FBN3: variants seen among roughly 807,000 people sequenced by gnomAD.
FBN3 encodes fibrillin 3, also known as fibrillin-3.
A neutral mutation model predicts 330.1 loss-of-function variants in FBN3; 234 were observed. The ratio of observed to expected loss-of-function variants is 0.71; its 90% CI spans 0.64 to 0.79. The LOEUF is 0.79. Among genes scored for constraint, FBN3 ranks in the 30% least tolerant of loss-of-function variants. The pLI, the probability that FBN3 is intolerant of heterozygous loss-of-function variation, is 0.00. For synonymous variants in FBN3, 1,458 were observed against 1,517.3 expected, an observed-to-expected ratio of 0.96 and a Z score of 0.91; for missense variants, 3,606 against 3,886.9, an observed-to-expected ratio of 0.93 and a Z score of 1.92.
chr19:8,134,772 A>T (rs1052306951), intron 13 of FBN3, among the ~76,000 whole-genome samples: 5 of 151,516 alleles, frequency 3.3e-5, no homozygotes, highest in Non-Finnish European at 5.9e-5. Context: ...CATCTCTACT[A>T]AAAATACAAA....
chr19:8,072,818 T>C (rs751395368), intron 62 of FBN3, among the ~76,000 whole-genome samples: 1 of 152,028 alleles, frequency 6.6e-6, no homozygotes, highest in Non-Finnish European at 1.5e-5. Flanking sequence ...TGTGGACAAC[T>C]ACATGTGAGT....
intron 24 of FBN3, among the ~76,000 whole-genome samples, chr19:8,122,398 G>A (rs539507234): frequency 3.9e-5 from 6 of 152,030 alleles, no homozygotes; most frequent in Admixed American, 2.0e-4. Context: ...ACACAGTCTC[G>A]TTCTGTCACC....
At chr19:8,117,410 T>C in intron 27 of FBN3, 54 bp downstream of exon 27, 1 of 1,553,272 alleles carries the variant, frequency 6.4e-7, no homozygotes, top group Non-Finnish European at 8.7e-7. Context: ...GAGCTACCAC[T>C]ATGTCTGGGA....
Position 8,087,121 on chromosome 19 carries a change from G to A in FBN3, c.6710C>T (p.Pro2237Leu). The A allele has an allele frequency of 6.2e-7, 1 of 1,610,900 alleles. No individual in the cohort carries two copies. The highest frequency in any genetic ancestry group is 1.3e-5 in the African/African-American group (1 of 74,956). The change falls in exon 54 of 64, where the codon CCC becomes CTC. Residue 2237 changes from proline to leucine, a missense_variant. Physicochemically the swap from Pro to Leu is moderately conservative, Grantham distance 98. Coordinates refer to ENST00000600128, the MANE Select transcript of FBN3 (RefSeq NM_032447.5). The stretch of plus-strand genomic sequence containing the variant: ...GCCAGGCAGGGGCCGCATGCCTGGG[G>A]GACAGACGCACGCGAAGGTACCGAT... ...NLIGTFACVC[P>L]PGMRPLPGSG...
chr19:8,098,137 G>C (rs1045667458), intron 41 of FBN3, among the ~76,000 whole-genome samples: 2 of 152,354 alleles, frequency 1.3e-5, no homozygotes, highest in African/African-American at 4.8e-5. Flanking sequence ...TGTGTGGTAT[G>C]TGAATTATAT....
chr19:8,129,649 C>T lies in FBN3; in HGVS notation c.2045-284G>A, dbSNP rs73505698. On this transcript the variant is annotated intron_variant, in intron 16 of 63. Transcript: ENST00000600128. The surrounding 1 kb of genome is among the most constrained non-coding windows in gnomAD (Gnocchi z 4.5). ...CCCATGAGATGTCAGTAGCACCCAC[C>T]GCCCCAGTATTACTCCAGACATTGT... is the stretch of plus-strand genomic sequence containing the variant. Among the ~76,000 whole-genome samples, 2,635 of 152,242 alleles carry T rather than the reference C, an allele frequency of 0.017. 81 individuals carry two copies. Among genetic ancestry groups the T allele is most frequent in the African/African-American group, 0.06 (2,502 of 41,536 alleles).
rs71165268 is a variant in FBN3 at position 8,068,390 on chromosome 19, C to CAAAA, written c.8089-2134_8089-2131dup. Among the ~76,000 whole-genome samples the CAAAA allele has an allele frequency of 2.9e-4, 40 of 137,236 alleles. 2 individuals are homozygous for CAAAA. Among genetic ancestry groups the CAAAA allele is most frequent in the African/African-American group, 1.1e-3 (39 of 35,876 alleles). The allele number at this position is 137,236 out of a possible 152,430, so 90.0% of individuals were successfully genotyped here. ...TGGGCGACAGAGCAAGACTCCGTCT[C>CAAAA]AAAAAAAAAAAAAATCAATAAATAG... On this transcript the variant is annotated intron_variant, in intron 63 of 63. Coordinates refer to ENST00000600128, the MANE Select transcript of FBN3 (RefSeq NM_032447.5).
Position 8,131,926 on chromosome 19 carries a change from A to C in FBN3, c.1715-97T>G. The C allele has an allele frequency of 7.5e-7, 1 of 1,328,180 alleles. No homozygotes were observed. The highest frequency in any genetic ancestry group is 9.9e-7 in the Non-Finnish European group (1 of 1,010,978). The allele number at this position is 1,328,180 out of a possible 1,614,324, so 82.3% of individuals were successfully genotyped here. The stretch of plus-strand genomic sequence containing the variant: ...ACATTTCCATCTTCCCAGCCATTCT[A>C]TTTCTTTCCTTTCCAGTTTCTTGTC... On this transcript the variant is annotated intron_variant, in intron 14 of 63. Coordinates refer to ENST00000600128, the MANE Select transcript of FBN3 (RefSeq NM_032447.5). This position sits in a 1 kb window ranked among gnomAD's most constrained non-coding sequence, Gnocchi z 4.5.
At chr19:8,086,120 A>AACAGGCAGTGGGGGGGC (rs1555728604) in intron 55 of FBN3, 80 bp downstream of exon 55, 2 of 782,640 alleles carry the variant, frequency 2.6e-6, no homozygotes, top group Admixed American at 7.7e-5. Context: ...CAGTGGGGGG[A>AACAGGCAGTGGGGGGGC]ACAGGCAGTG....
intron 13 of FBN3, among the ~76,000 whole-genome samples, chr19:8,134,844 G>T (rs1012499334): frequency 2.0e-5 from 3 of 151,676 alleles, no homozygotes; most frequent in Admixed American, 6.6e-5. Context: ...TGAGGCAGGA[G>T]AATCACTTGA....
chr19:8,070,944 C>T (rs1261144938), intron 63 of FBN3, among the ~76,000 whole-genome samples: 1 of 151,684 alleles, frequency 6.6e-6, no homozygotes, highest in Non-Finnish European at 1.5e-5. Context: ...ATCGCCTGAA[C>T]CCAAGAGGCA....
At chr19:8,074,983 A>G in intron 61 of FBN3, 88 bp downstream of exon 61, 1 of 1,501,100 alleles carries the variant, frequency 6.7e-7, no homozygotes. Context: ...TGCTTGTCAC[A>G]TCATCTTGCA....
chr19:8,138,034 A>C, intron 10 of FBN3, 107 bp downstream of exon 10: 1 of 1,299,366 alleles, frequency 7.7e-7, no homozygotes, highest in East Asian at 2.6e-5. Flanking sequence ...CCAAAGCCCT[A>C]ACCCTCTCTC....
chr19:8,140,340 T>C (rs1169668278), intron 8 of FBN3, among the ~76,000 whole-genome samples: 1 of 152,152 alleles, frequency 6.6e-6, no homozygotes, highest in Non-Finnish European at 1.5e-5. Flanking sequence ...GGTGGGTGCC[T>C]GTAATCCCAG....
intron 61 of FBN3, among the ~76,000 whole-genome samples, chr19:8,073,896 G>T (rs1326438446): frequency 6.6e-6 from 1 of 152,088 alleles, no homozygotes; most frequent in Non-Finnish European, 1.5e-5. Flanking sequence ...TGCCTAGGCT[G>T]GTCTTGAACT....
At chr19:8,082,795 GT>G (rs34853923) in intron 57 of FBN3, among the ~76,000 whole-genome samples, 86,739 of 147,744 alleles carry the variant, frequency 0.59, 26,214 homozygotes, top group African/African-American at 0.75. Context: ...TGCCTGGCCT[GT>G]TTTTTTTTTT....
At chr19:8,124,623 C>T (rs1425598996) in intron 22 of FBN3, among the ~76,000 whole-genome samples, 1 of 151,568 alleles carries the variant, frequency 6.6e-6, no homozygotes, top group African/African-American at 2.4e-5. Flanking sequence ...CTGCAACCTC[C>T]GCCTCCCGGG....
chr19:8,123,778 C>T lies in FBN3; in HGVS notation c.2956+6G>A, dbSNP rs1405685596. ...TCCAGGGGCCTGACCCCTTCCCCAA[C>T]CGCACCTTTATAGAATGGTCGGCCA... On this transcript the variant is annotated splice_donor_region_variant and intron_variant, in intron 23 of 63. Coordinates refer to ENST00000600128, the MANE Select transcript of FBN3 (RefSeq NM_032447.5). 4 of 1,613,016 alleles carry T rather than the reference C, an allele frequency of 2.5e-6. No individual in the cohort carries two copies. The highest frequency in any genetic ancestry group is 1.7e-6 in the Non-Finnish European group (2 of 1,179,780).
At chr19:8,085,717 T>C (rs1380246335) in intron 55 of FBN3, 148 bp from the exon 56 acceptor site, 22 of 603,388 alleles carry the variant, frequency 3.6e-5, no homozygotes, top group Non-Finnish European at 5.9e-5. Context: ...CAGATGGCCC[T>C]AGTGGGTCAC....
Sources: allele counts gnomAD v4.1 joint callset (sites outside exome capture counted in the v4.1 genomes callset), GRCh38; gene constraint gnomAD v4.1.1; non-coding constraint Gnocchi (gnomAD v3.1); transcripts MANE v1.5; gene names NCBI Gene and HGNC (gene_info 2026-07-23, HGNC 2026-07-21).